BCAS3: variants seen among roughly 807,000 people sequenced by gnomAD.
BCAS3 encodes the protein BCAS4/BCAS3 fusion.
BCAS3 carries 53 observed loss-of-function variants against 116.1 expected under a neutral mutation model. The observed-to-expected ratio is 0.46, with a 90% confidence interval of 0.37 to 0.57. The LOEUF (loss-of-function observed/expected upper bound fraction) is 0.57, where lower values mean the gene tolerates loss of function less well. Ranked by LOEUF, BCAS3 falls within the 20% of genes least tolerant of loss-of-function variation. The probability of loss-of-function intolerance (pLI) is 0.00; values close to 1 mark genes in which losing one functional copy is unlikely to be tolerated. For synonymous variants in BCAS3, 391 were observed against 408.2 expected, an observed-to-expected ratio of 0.96 and a Z score of 0.51; for missense variants, 917 against 1,165.4, an observed-to-expected ratio of 0.79 and a Z score of 3.10.
Position 61,034,628 on chromosome 17 carries a change from C to T in BCAS3, c.1638-38C>T, listed in dbSNP as rs768218559. ...ATTACCTAAAGGAGTATCATTTCATCATGATAATTGTTTTTTACTCTTATT... is the reference window on the plus strand; with the variant it reads ...ATTACCTAAAGGAGTATCATTTCATTATGATAATTGTTTTTTACTCTTATT... On this transcript the variant is annotated intron_variant, in intron 16 of 23. Transcript: ENST00000407086. The surrounding 1 kb of genome is among the most constrained non-coding windows in gnomAD (Gnocchi z 5.0). 1.9e-5 allele frequency: 29 copies of T among 1,539,662 alleles called. No individual in the cohort carries two copies. The highest frequency in any genetic ancestry group is 2.6e-5 in the Non-Finnish European group (29 of 1,122,936).
At chr17:60,810,219 T>C in intron 7 of BCAS3, 1 of 433,934 alleles carries the variant, frequency 2.3e-6, no homozygotes, top group Middle Eastern at 8.0e-4. Context: ...CTCTGGGCTC[T>C]GTGCAGGTGC....
In BCAS3 at chr17:60,755,301, A is replaced by G. The variant is rs559021505; in HGVS notation, c.403+8022A>G. Among the ~76,000 whole-genome samples the G allele has an allele frequency of 2.0e-5, 3 of 152,316 alleles. No homozygotes were observed. The East Asian group carries it at 5.8e-4, about 29-fold the overall frequency. ...AATTAAGTGAACTATATAATGCTTG[A>G]TACTCTTCAGATAACATTTTAGGTT... On this transcript the variant is annotated intron_variant, in intron 6 of 23. Transcript: ENST00000407086.
Position 61,125,187 on chromosome 17 carries a change from G to A in BCAS3, c.2425+40623G>A, listed in dbSNP as rs200256753. Among the ~76,000 whole-genome samples the A allele has an allele frequency of 3.2e-4, 49 of 152,188 alleles. 1 individual carries two copies. In the East Asian group the frequency reaches 9.4e-3, roughly 29 times the overall value. On this transcript the variant is annotated intron_variant, in intron 22 of 23. Coordinates refer to ENST00000407086, the MANE Select transcript of BCAS3 (RefSeq NM_017679.5). The stretch of plus-strand genomic sequence containing the variant: ...TTTTATGTTGCCATTATAGCTAAAC[G>A]AAAATATTTAATTAAATACTTCATA...
intron 22 of BCAS3, among the ~76,000 whole-genome samples, chr17:61,164,471 A>T (rs144416062): frequency 3.9e-5 from 6 of 152,228 alleles, no homozygotes; most frequent in African/African-American, 1.2e-4. Flanking sequence ...CCTGGACAAC[A>T]TACTGAGACC....
At chr17:61,049,982 C>T (rs1376376746) in intron 19 of BCAS3, among the ~76,000 whole-genome samples, 1 of 151,968 alleles carries the variant, frequency 6.6e-6, no homozygotes, top group East Asian at 1.9e-4. Flanking sequence ...GATCGTCTAC[C>T]TCGGCCTCCC....
rs778860778 is a variant in BCAS3 at position 61,070,157 on chromosome 17, T to C, written c.2030-4763T>C. On this transcript the variant is annotated intron_variant, in intron 19 of 23. Transcript: ENST00000407086. ...AAGAAGACAGAAGACAACAACACAC[T>C]TGTGTTCCTTGTGGATGTTAAAGCC... 9 of 1,559,346 alleles carry C rather than the reference T, an allele frequency of 5.8e-6. 1 individual carries two copies. The South Asian group carries it at 8.9e-5, about 15-fold the overall frequency.
At chr17:60,825,497 TA>T in intron 7 of BCAS3, among the ~76,000 whole-genome samples, 1 of 147,018 alleles carries the variant, frequency 6.8e-6, no homozygotes, top group Admixed American at 6.8e-5. Context: ...AATTTATAAA[TA>T]ATAATTATTT....
intron 22 of BCAS3, among the ~76,000 whole-genome samples, chr17:61,168,012 C>T (rs1344775953): frequency 1.3e-5 from 2 of 152,120 alleles, no homozygotes; most frequent in Non-Finnish European, 2.9e-5. Context: ...TATCATACGG[C>T]GCTGCCTGCC....
At chr17:60,799,735 T>TTTTTTTTTTTTTTTTTTA (rs1429156594) in intron 6 of BCAS3, among the ~76,000 whole-genome samples, 1 of 100,498 alleles carries the variant, frequency 1.0e-5, no homozygotes, top group African/African-American at 3.5e-5. Context: ...TTTTTTTTTT[T>TTTTTTTTTTTTTTTTTTA]AGTAGAACTG....
intron 19 of BCAS3, among the ~76,000 whole-genome samples, chr17:61,045,865 AAAT>A (rs2068039093): frequency 2.5e-4 from 1 of 3,962 alleles, no homozygotes; most frequent in Non-Finnish European, 4.3e-4. Flanking sequence ...ATATATATAT[AAAT>A]ATATATAAAT....
At chr17:60,891,597 A>G (rs1026982036) in intron 10 of BCAS3, 41 of 438,196 alleles carry the variant, frequency 9.4e-5, no homozygotes, top group Non-Finnish European at 3.7e-5. Flanking sequence ...ATTTTGGGGT[A>G]CCAGTCTCTT....
intron 14 of BCAS3, among the ~76,000 whole-genome samples, chr17:60,951,992 G>A (rs1026984683): frequency 6.6e-6 from 1 of 151,648 alleles, no homozygotes; most frequent in Non-Finnish European, 1.5e-5. Flanking sequence ...GGCTGGTCTT[G>A]AATTCCTGAC....
chr17:60,820,817 T>C (rs1195334577), intron 7 of BCAS3, among the ~76,000 whole-genome samples: 1 of 152,222 alleles, frequency 6.6e-6, no homozygotes, highest in Non-Finnish European at 1.5e-5. Flanking sequence ...GAGGACATGG[T>C]TAAACTGAGC....
At chr17:60,729,566 A>T (rs1215007218) in intron 5 of BCAS3, among the ~76,000 whole-genome samples, 1 of 152,214 alleles carries the variant, frequency 6.6e-6, no homozygotes, top group African/African-American at 2.4e-5. Flanking sequence ...ACAAGTTAAT[A>T]TGATAGCTAT....
rs974526845 is a variant in BCAS3 at position 61,073,538 on chromosome 17, T to G, written c.2030-1382T>G. Among the ~76,000 whole-genome samples, 4 of 152,160 alleles carry G rather than the reference T, an allele frequency of 2.6e-5. No individual in the cohort carries two copies. Among genetic ancestry groups the G allele is most frequent in the Non-Finnish European group, 5.9e-5 (4 of 68,028 alleles). On this transcript the variant is annotated intron_variant, in intron 19 of 23. Transcript: ENST00000407086. This position sits in a 1 kb window ranked among gnomAD's most constrained non-coding sequence, Gnocchi z 4.6. ...CATTCTCTTTCACTGCTTGGGTAAG[T>G]GTATAACTCTTTCTGGGAACATATA...
intron 22 of BCAS3, among the ~76,000 whole-genome samples, chr17:61,195,055 C>T (rs1332342798): frequency 2.6e-5 from 4 of 152,192 alleles, no homozygotes; most frequent in Non-Finnish European, 4.4e-5. Flanking sequence ...AAGACTCTGT[C>T]GATCTGTTGC....
chr17:61,295,984 C>T (rs148383088), intron 22 of BCAS3, among the ~76,000 whole-genome samples: 2,990 of 151,802 alleles, frequency 0.02, 46 homozygotes, highest in Middle Eastern at 0.086. Context: ...AAGAAATTTC[C>T]GTAGGTCATC....
At chr17:60,882,197 A>G (rs140212009) in intron 9 of BCAS3, among the ~76,000 whole-genome samples, 28,543 of 152,070 alleles carry the variant, frequency 0.19, 3,249 homozygotes, top group African/African-American at 0.32. Context: ...GCCAATGATG[A>G]TGAGCATTTT....
At chr17:61,275,433 T>C (rs549311438) in intron 22 of BCAS3, among the ~76,000 whole-genome samples, 1 of 152,212 alleles carries the variant, frequency 6.6e-6, no homozygotes, top group Non-Finnish European at 1.5e-5. Context: ...TTGGTGGGCC[T>C]GAATGTTGTG....
Sources: gnomAD v4.1 joint callset for allele counts (sites outside exome capture counted in the v4.1 genomes callset) on GRCh38, gnomAD v4.1.1 for gene constraint, Gnocchi (gnomAD v3.1) non-coding constraint, MANE v1.5 for transcripts, NCBI Gene and HGNC (gene_info 2026-07-23, HGNC 2026-07-21) for gene names.